The following CEP128 variants were observed in gnomAD, a reference collection of about 807,000 sequenced individuals.
CEP128 encodes the protein centrosomal protein 128, also known as centrosomal protein 128kDa.
Under a neutral mutation model 156.7 loss-of-function variants are expected in CEP128, and 132 were observed. That is an observed-to-expected ratio of 0.84 (90% CI 0.73 to 0.97). The LOEUF (loss-of-function observed/expected upper bound fraction) is 0.97, where lower values mean the gene tolerates loss of function less well. CEP128 is among the 50% of genes least tolerant of loss of function. The probability of loss-of-function intolerance (pLI) is 0.00; values close to 1 mark genes in which losing one functional copy is unlikely to be tolerated. For missense variants in CEP128, 1,252 were observed against 1,281.9 expected, an observed-to-expected ratio of 0.98 and a Z score of 0.36; for synonymous variants, 469 against 448.9, an observed-to-expected ratio of 1.04 and a Z score of -0.57.
At chr14:80,697,079 C>T (rs185562550) in intron 19 of CEP128, among the ~76,000 whole-genome samples, 2 of 152,216 alleles carry the variant, frequency 1.3e-5, no homozygotes, top group African/African-American at 4.8e-5. Flanking sequence ...ATTCAACCTA[C>T]AGCCTTACTC....
chr14:80,843,932 T>C (rs1323071402), intron 9 of CEP128, among the ~76,000 whole-genome samples: 3 of 149,628 alleles, frequency 2.0e-5, no homozygotes, highest in Non-Finnish European at 4.4e-5. Context: ...AAATAATACA[T>C]ATTTTTAAAA....
At chr14:80,591,385 A>G (rs1892060716) in intron 19 of CEP128, among the ~76,000 whole-genome samples, 1 of 152,118 alleles carries the variant, frequency 6.6e-6, no homozygotes, top group Admixed American at 6.5e-5. Context: ...TAGACTTTAA[A>G]CCAACAAAGA....
At chr14:80,630,140 G>A (rs752593031) in intron 19 of CEP128, among the ~76,000 whole-genome samples, 2 of 151,724 alleles carry the variant, frequency 1.3e-5, no homozygotes, top group Admixed American at 6.6e-5. Flanking sequence ...TAGACGTATC[G>A]GTTATACTAG....
intron 19 of CEP128, among the ~76,000 whole-genome samples, chr14:80,661,194 C>A (rs577166277): frequency 1.3e-5 from 2 of 151,554 alleles, no homozygotes; most frequent in African/African-American, 4.9e-5. Context: ...TAAAATAAAA[C>A]GTGCTCCCCC....
intron 14 of CEP128, among the ~76,000 whole-genome samples, chr14:80,791,740 G>GT (rs560555491): frequency 5.3e-5 from 8 of 152,174 alleles, no homozygotes; most frequent in Non-Finnish European, 8.8e-5. Context: ...GCAATCCACA[G>GT]TGAGTGCAAA....
At chr14:80,586,537 T>C (rs965661182) in intron 19 of CEP128, among the ~76,000 whole-genome samples, 20 of 152,218 alleles carry the variant, frequency 1.3e-4, no homozygotes. Context: ...TGTATTGAAA[T>C]GACACAGTAT....
At chr14:80,650,254 G>C (rs1239787910) in intron 19 of CEP128, among the ~76,000 whole-genome samples, 1 of 152,098 alleles carries the variant, frequency 6.6e-6, no homozygotes, top group African/African-American at 2.4e-5. Context: ...TGTGCTTTTT[G>C]CAAATTGATT....
intron 2 of CEP128, among the ~76,000 whole-genome samples, chr14:80,930,575 TAA>T (rs1885404308): frequency 6.6e-6 from 1 of 152,138 alleles, no homozygotes; most frequent in Non-Finnish European, 1.5e-5. Flanking sequence ...CTCCTTAAAT[TAA>T]GAGTTCATTG....
chr14:80,637,255 T>C (rs1485049229), intron 19 of CEP128, among the ~76,000 whole-genome samples: 1 of 152,130 alleles, frequency 6.6e-6, no homozygotes, highest in Non-Finnish European at 1.5e-5. Context: ...CCTGGAGCCA[T>C]GTTATGCAAG....
At chr14:80,723,205 T>C (rs1198248928) in intron 19 of CEP128, among the ~76,000 whole-genome samples, 1 of 152,096 alleles carries the variant, frequency 6.6e-6, no homozygotes, top group Non-Finnish European at 1.5e-5. Context: ...CCATGTAATA[T>C]AAAAATGCCA....
chr14:80,823,724 A>T (rs1885319681), intron 13 of CEP128, among the ~76,000 whole-genome samples: 1 of 152,120 alleles, frequency 6.6e-6, no homozygotes, highest in South Asian at 2.1e-4. Context: ...GTGGCTTTGC[A>T]GGGTAGAGCT....
chr14:80,479,193 G>A (rs567308364), intron 14 of CEP128, among the ~76,000 whole-genome samples: 1 of 152,310 alleles, frequency 6.6e-6, no homozygotes, highest in Admixed American at 6.5e-5. Context: ...CAAGAGGTAG[G>A]ATTCTAATCT....
intron 20 of CEP128, among the ~76,000 whole-genome samples, chr14:80,573,990 G>C (rs902901682): frequency 2.0e-5 from 3 of 152,150 alleles, no homozygotes; most frequent in Non-Finnish European, 4.4e-5. Context: ...TAAGCTTTGA[G>C]GAATGCACCT....
intron 23 of CEP128, among the ~76,000 whole-genome samples, chr14:80,516,656 T>C (rs1298487955): frequency 2.6e-5 from 4 of 152,186 alleles, no homozygotes; most frequent in African/African-American, 7.2e-5. Flanking sequence ...CTACTGCTTG[T>C]CTAAATGCTC....
At position 80,672,355 on chromosome 14, in the gene CEP128, A is replaced by T. The variant is rs201490745; in HGVS notation, c.2806+70720T>A. On this transcript the variant is annotated intron_variant, in intron 19 of 24. Coordinates refer to ENST00000555265, the MANE Select transcript of CEP128 (RefSeq NM_152446.5). ...AAGTGAACAGAAAAATGTCTTTTTT[A>T]AAAAAAAAATCACAGAATTGCTGAT... 4.3e-4 allele frequency among the ~76,000 whole-genome samples: 21 copies of T among 48,926 alleles called. 1 individual carries two copies. The highest frequency in any genetic ancestry group is 1.6e-3 in the East Asian group (1 of 628). 32.1% of individuals were successfully genotyped at this position (48,926 alleles called of 152,430 possible).
Position 80,508,348 on chromosome 14 carries a change from A to C in CEP128, c.3073-3328T>G, listed in dbSNP as rs181366005. Among the ~76,000 whole-genome samples, 820 of 152,372 alleles carry C rather than the reference A, an allele frequency of 5.4e-3. 9 individuals carry two copies. The highest frequency in any genetic ancestry group is 6.2e-3 in the Non-Finnish European group (424 of 68,030). On this transcript the variant is annotated intron_variant, in intron 23 of 24. Transcript: ENST00000555265. ...AGAAAAATTATTCAACAAATATTTT[A>C]AAATAAAAACTTATTAGCATAATTT...
At chr14:80,718,574 C>T (rs1159915821) in intron 19 of CEP128, among the ~76,000 whole-genome samples, 1 of 152,190 alleles carries the variant, frequency 6.6e-6, no homozygotes, top group Non-Finnish European at 1.5e-5. Context: ...TACACAGTAG[C>T]TGCAGGAGTG....
At chr14:80,656,279 T>TTA (rs1375009097) in intron 19 of CEP128, among the ~76,000 whole-genome samples, 2 of 47,126 alleles carry the variant, frequency 4.2e-5, no homozygotes, top group Non-Finnish European at 8.1e-5. Flanking sequence ...AAGTTTTTAT[T>TTA]TATATATATA....
intron 20 of CEP128, among the ~76,000 whole-genome samples, chr14:80,569,766 G>A (rs915073294): frequency 6.6e-6 from 1 of 152,110 alleles, no homozygotes; most frequent in African/African-American, 2.4e-5. Flanking sequence ...GTCTTTACAT[G>A]TTTATTTGGT....
Sources: gnomAD v4.1 joint callset for allele counts (sites outside exome capture counted in the v4.1 genomes callset) on GRCh38, gnomAD v4.1.1 for gene constraint, MANE v1.5 for transcripts, NCBI Gene and HGNC (gene_info 2026-07-23, HGNC 2026-07-21) for gene names.